The following NRXN3 variants were observed in gnomAD, a reference collection of about 807,000 sequenced individuals.
NRXN3 encodes the protein neurexin 3.
In NRXN3, 32 loss-of-function variants were observed where a neutral mutation model predicts 137.6. The ratio of observed to expected loss-of-function variants is 0.23; its 90% CI spans 0.18 to 0.31. The LOEUF is 0.31. Ranked by LOEUF, NRXN3 falls within the 10% of genes least tolerant of loss-of-function variation. The pLI is 1.00. For missense variants in NRXN3, 1,574 were observed against 2,062.5 expected, an observed-to-expected ratio of 0.76 and a Z score of 4.59; for synonymous variants, 798 against 784.5, an observed-to-expected ratio of 1.02 and a Z score of -0.29.
At chr14:78,462,457 G>A (rs1018425399) in intron 4 of NRXN3, among the ~76,000 whole-genome samples, 2 of 152,142 alleles carry the variant, frequency 1.3e-5, no homozygotes, top group African/African-American at 4.8e-5. Flanking sequence ...GAGACACCAG[G>A]AGTAATTGTA....
intron 1 of NRXN3, among the ~76,000 whole-genome samples, chr14:78,203,315 CATT>C (rs1414778884): frequency 3.3e-5 from 5 of 152,326 alleles, no homozygotes; most frequent in East Asian, 1.9e-4. Context: ...AATAATTACT[CATT>C]GTTGGCATTT....
intron 19 of NRXN3, among the ~76,000 whole-genome samples, chr14:79,710,453 GCT>G: frequency 6.6e-6 from 1 of 152,124 alleles, no homozygotes; most frequent in East Asian, 1.9e-4. Flanking sequence ...ATGATTTCTG[GCT>G]CTGTCATTTA....
chr14:79,245,402 G>A (rs935386694), intron 15 of NRXN3, among the ~76,000 whole-genome samples: 2 of 152,030 alleles, frequency 1.3e-5, no homozygotes, highest in African/African-American at 4.8e-5. Flanking sequence ...GAGAAGGAGA[G>A]AGAGAAGAGA....
Position 79,189,375 on chromosome 14 carries a change from T to A in NRXN3, c.3262+201234T>A, listed in dbSNP as rs1211134516. Among the ~76,000 whole-genome samples the A allele has an allele frequency of 2.7e-5, 3 of 110,338 alleles. No individual in the cohort carries two copies. The Admixed American group carries it at 3.8e-4, about 14-fold the overall frequency. The allele number at this position is 110,338 out of a possible 152,430, so 72.4% of individuals were successfully genotyped here. A position where few individuals can be genotyped will look rare whatever the true frequency, so the allele number is the denominator to read the frequency against. The stretch of plus-strand genomic sequence containing the variant: ...ACACAGGAAGGGGAACATCACACTC[T>A]GGGGACTGTTGTGGGGTGGGGGGAG... On this transcript the variant is annotated intron_variant, in intron 15 of 20. Coordinates refer to ENST00000335750, the MANE Select transcript of NRXN3 (RefSeq NM_001330195.2).
At chr14:79,408,851 ATAAGTCAAACTTTCTTTGTTCCTT>A (rs2095361669) in intron 15 of NRXN3, among the ~76,000 whole-genome samples, 1 of 151,984 alleles carries the variant, frequency 6.6e-6, no homozygotes, top group Non-Finnish European at 1.5e-5. Flanking sequence ...AACTACACTT[ATAAGTCAAACTTTCTTTGTTCCTT>A]TGTGGGTGTA....
chr14:78,624,445 T>C (rs1304988838), intron 4 of NRXN3, among the ~76,000 whole-genome samples: 1 of 152,076 alleles, frequency 6.6e-6, no homozygotes, highest in Non-Finnish European at 1.5e-5. Context: ...ATGGAAAAAG[T>C]TGTGCAGTGA....
intron 4 of NRXN3, among the ~76,000 whole-genome samples, chr14:78,493,332 G>A (rs11625342): frequency 0.014 from 2,147 of 150,854 alleles, 19 homozygotes; most frequent in Non-Finnish European, 0.023. Flanking sequence ...GACCAGCCTG[G>A]CTAACATGGT....
chr14:79,257,510 A>G (rs200806213), intron 15 of NRXN3, among the ~76,000 whole-genome samples: 13 of 9,532 alleles, frequency 1.4e-3, no homozygotes, highest in East Asian at 7.4e-3. Flanking sequence ...TGGTGGTGGT[A>G]GTGATGGTGG....
intron 16 of NRXN3, among the ~76,000 whole-genome samples, chr14:79,504,086 C>G (rs576315312): frequency 1.3e-5 from 2 of 152,154 alleles, no homozygotes; most frequent in African/African-American, 4.8e-5. Context: ...ATAATGTACA[C>G]TCTTACCAGG....
At chr14:79,127,926 C>T (rs1373156202) in intron 15 of NRXN3, among the ~76,000 whole-genome samples, 1 of 150,498 alleles carries the variant, frequency 6.6e-6, no homozygotes, top group Non-Finnish European at 1.5e-5. Context: ...GTATTTTATT[C>T]TCTTTGAAGC....
intron 4 of NRXN3, among the ~76,000 whole-genome samples, chr14:78,391,641 T>A (rs2090789138): frequency 6.6e-6 from 1 of 152,100 alleles, no homozygotes; most frequent in Non-Finnish European, 1.5e-5. Context: ...TAGTCAGGGC[T>A]CCATGAGAGG....
chr14:79,318,556 A>G (rs1445545951), intron 15 of NRXN3, among the ~76,000 whole-genome samples: 1 of 152,244 alleles, frequency 6.6e-6, no homozygotes, highest in Non-Finnish European at 1.5e-5. Context: ...AAGTAATAAC[A>G]GTTGCCAACC....
At chr14:79,595,202 T>C (rs1456644261) in intron 16 of NRXN3, among the ~76,000 whole-genome samples, 1 of 152,146 alleles carries the variant, frequency 6.6e-6, no homozygotes, top group African/African-American at 2.4e-5. Context: ...TCTATGAGAA[T>C]GGTATTGGAA....
At chr14:78,228,946 T>C (rs531254803) in intron 1 of NRXN3, among the ~76,000 whole-genome samples, 12 of 152,178 alleles carry the variant, frequency 7.9e-5, no homozygotes, top group Non-Finnish European at 1.0e-4. Context: ...GCAAAAGTTA[T>C]AAGACTCAGT....
In NRXN3 at chr14:78,170,467, CA is replaced by C. The variant is rs1239223399; in HGVS notation, c.-910del. 6.6e-6 allele frequency: 1 copy of C among 152,288 alleles called. No individual in the cohort carries two copies. The highest frequency in any genetic ancestry group is 1.5e-5 in the Non-Finnish European group (1 of 68,082). The allele number at this position is 152,288 out of a possible 1,614,324, so 9.4% of individuals were successfully genotyped here. A position where few individuals can be genotyped will look rare whatever the true frequency, so the allele number is the denominator to read the frequency against. Reference sequence around the variant, plus strand: ...CTGTCCTCCCCTCTCTCAGCCTCGGCATCTCCAGCCACCAAGGACCTGCTTT... The same window carrying C: ...CTGTCCTCCCCTCTCTCAGCCTCGGCTCTCCAGCCACCAAGGACCTGCTTT... On this transcript the variant is annotated 5_prime_UTR_variant, in exon 1 of 21. The change creates a premature stop within an existing upstream ORF in the 5' untranslated region. Coordinates refer to ENST00000335750, the MANE Select transcript of NRXN3 (RefSeq NM_001330195.2).
At chr14:78,313,406 T>G (rs1028099485) in intron 4 of NRXN3, among the ~76,000 whole-genome samples, 14 of 152,196 alleles carry the variant, frequency 9.2e-5, no homozygotes, top group Non-Finnish European at 2.1e-4. Flanking sequence ...CACTACTTCT[T>G]TCTTAGAAAT....
At chr14:79,743,005 G>C (rs2098967860) in intron 19 of NRXN3, among the ~76,000 whole-genome samples, 1 of 152,050 alleles carries the variant, frequency 6.6e-6, no homozygotes. Context: ...TATGATTCTG[G>C]GTTGCCTCAA....
chr14:78,191,195 G>A (rs1262181430), intron 1 of NRXN3, among the ~76,000 whole-genome samples: 1 of 152,108 alleles, frequency 6.6e-6, no homozygotes, highest in Non-Finnish European at 1.5e-5. Context: ...GGGCCAGGGG[G>A]ATGACCATTG....
At chr14:78,779,009 C>A (rs111469315) in intron 8 of NRXN3, among the ~76,000 whole-genome samples, 1 of 151,736 alleles carries the variant, frequency 6.6e-6, no homozygotes, top group African/African-American at 2.4e-5. Flanking sequence ...GTTACAAGGA[C>A]CCTGGAAAAT....
Sources: allele counts gnomAD v4.1 joint callset (sites outside exome capture counted in the v4.1 genomes callset), GRCh38; gene constraint gnomAD v4.1.1; transcripts MANE v1.5; gene names NCBI Gene and HGNC (gene_info 2026-07-23, HGNC 2026-07-21).